The following SPIDR variants were observed in gnomAD, a reference collection of about 807,000 sequenced individuals.
The protein encoded by SPIDR is scaffold protein involved in DNA repair.
In SPIDR, 93 loss-of-function variants were observed where a neutral mutation model predicts 104.6. The observed-to-expected ratio is 0.89, with a 90% CI of 0.75 to 1.06. The LOEUF (loss-of-function observed/expected upper bound fraction) is 1.06, where lower values mean the gene tolerates loss of function less well. Among genes scored for constraint, SPIDR ranks in the 50% least tolerant of loss-of-function variants. SPIDR has a pLI of 0.00. For missense variants in SPIDR, 1,154 were observed against 1,111.2 expected (o/e 1.04, Z -0.55); for synonymous variants, 431 against 416.9 (o/e 1.03, Z -0.41).
At position 47,485,253 on chromosome 8, in the gene SPIDR, ATACAGCTAG is replaced by A. The variant is rs2077409667; in HGVS notation, c.1097+44717_1097+44725del. Among the ~76,000 whole-genome samples, 3 of 151,876 alleles carry A rather than the reference ATACAGCTAG, an allele frequency of 2.0e-5. No individual in the cohort carries two copies. In the South Asian group the frequency reaches 6.2e-4, roughly 31 times the overall value. ...GCGCACGGAGCCTCGCTCATTGCTA[ATACAGCTAG>A]TACAGTCTGAGATCAAACTGCAAGG... is the stretch of plus-strand genomic sequence containing the variant. On this transcript the variant is annotated intron_variant, in intron 8 of 19. Coordinates refer to ENST00000297423, the MANE Select transcript of SPIDR (RefSeq NM_001080394.4).
intron 8 of SPIDR, among the ~76,000 whole-genome samples, chr8:47,524,807 A>T (rs926762362): frequency 6.6e-6 from 1 of 152,244 alleles, no homozygotes; most frequent in Non-Finnish European, 1.5e-5. Flanking sequence ...TAAAAGTTTA[A>T]TACTCAGTAT....
intron 8 of SPIDR, among the ~76,000 whole-genome samples, chr8:47,454,563 A>G (rs1437700708): frequency 6.6e-6 from 1 of 152,148 alleles, no homozygotes; most frequent in Non-Finnish European, 1.5e-5. Flanking sequence ...TCAGCACACC[A>G]ACATGGCACA....
At chr8:47,668,193 T>C (rs2075256499) in intron 10 of SPIDR, among the ~76,000 whole-genome samples, 1 of 152,148 alleles carries the variant, frequency 6.6e-6, no homozygotes. Flanking sequence ...GAAAAGGTAA[T>C]CAACTTGTTC....
chr8:47,456,716 C>T (rs2154351257), intron 8 of SPIDR, among the ~76,000 whole-genome samples: 1 of 152,204 alleles, frequency 6.6e-6, no homozygotes, highest in Non-Finnish European at 1.5e-5. Context: ...ATCACCCAAG[C>T]AGTATACACT....
intron 8 of SPIDR, among the ~76,000 whole-genome samples, chr8:47,478,900 G>A (rs887454361): frequency 6.6e-6 from 1 of 152,274 alleles, no homozygotes; most frequent in Non-Finnish European, 1.5e-5. Context: ...ATTGGAAGCC[G>A]TGTTTAATTA....
intron 1 of SPIDR, among the ~76,000 whole-genome samples, chr8:47,265,991 C>A (rs1454178529): frequency 6.6e-6 from 1 of 152,048 alleles, no homozygotes; most frequent in Non-Finnish European, 1.5e-5. Flanking sequence ...ATCAGGTGAT[C>A]TGCCCGCATC....
intron 5 of SPIDR, among the ~76,000 whole-genome samples, chr8:47,331,190 T>C (rs1297499222): frequency 2.0e-5 from 3 of 152,238 alleles, no homozygotes. Context: ...TGGCCAATTA[T>C]TAGTTTCTAA....
intron 10 of SPIDR, among the ~76,000 whole-genome samples, chr8:47,643,055 A>G (rs1348461869): frequency 6.6e-6 from 1 of 152,186 alleles, no homozygotes; most frequent in African/African-American, 2.4e-5. Flanking sequence ...AGTTGGTTCT[A>G]CTTTGTTCTA....
chr8:47,478,738 A>G (rs797039112), intron 8 of SPIDR, among the ~76,000 whole-genome samples: 5 of 152,362 alleles, frequency 3.3e-5, no homozygotes, highest in African/African-American at 1.2e-4. Flanking sequence ...TAAAATGCTC[A>G]TAAAGTGTAA....
chr8:47,574,458 A>T (rs2058848756), intron 8 of SPIDR, among the ~76,000 whole-genome samples: 1 of 152,130 alleles, frequency 6.6e-6, no homozygotes, highest in Non-Finnish European at 1.5e-5. Context: ...ACATCCAACC[A>T]TTAAAACATG....
intron 8 of SPIDR, among the ~76,000 whole-genome samples, chr8:47,558,493 C>T (rs1160291684): frequency 6.6e-6 from 1 of 151,960 alleles, no homozygotes; most frequent in Admixed American, 6.6e-5. Flanking sequence ...CGATTGAACA[C>T]AAATTATTTG....
intron 2 of SPIDR, 52 bp from the exon 3 acceptor site, chr8:47,283,976 T>TC: frequency 7.6e-7 from 1 of 1,320,310 alleles, no homozygotes; most frequent in Non-Finnish European, 1.1e-6. Flanking sequence ...TTTATAAAAG[T>TC]TTTTTTTTAG....
intron 10 of SPIDR, among the ~76,000 whole-genome samples, chr8:47,655,645 A>G (rs956013987): frequency 6.6e-6 from 1 of 152,130 alleles, no homozygotes; most frequent in Non-Finnish European, 1.5e-5. Context: ...AGATGAGTAG[A>G]TTGCAAAAAT....
chr8:47,602,508 GAAAC>G (rs2062416134), intron 10 of SPIDR, among the ~76,000 whole-genome samples: 1 of 152,218 alleles, frequency 6.6e-6, no homozygotes, highest in African/African-American at 2.4e-5. Flanking sequence ...TGGGTGAAAA[GAAAC>G]AGCGGTGTCT....
intron 8 of SPIDR, among the ~76,000 whole-genome samples, chr8:47,496,126 C>T (rs1045274983): frequency 1.1e-4 from 16 of 151,980 alleles, no homozygotes; most frequent in African/African-American, 2.9e-4. Context: ...TACAAGATTA[C>T]GTCATCTGCT....
Position 47,729,016 on chromosome 8 carries a change from G to T in SPIDR, c.2519G>T (p.Arg840Leu), listed in dbSNP as rs767386373. ...CACCTGCAGGTCTTCCTGGACTGCC[G>T]CTCAAGACCGCAGTGCAGAGTGAAG... ...KRHLQVFLDC[R>L]SRPQCRVKVK... The change falls in exon 18 of 20, where the codon CGC (arginine) becomes CTC (leucine). Residue 840 changes from arginine to leucine, a missense_variant. Arg to Leu is a moderately radical substitution (Grantham distance 102). Transcript: ENST00000297423. 8.7e-6 allele frequency: 14 copies of T among 1,613,856 alleles called. No individual in the cohort carries two copies. The highest frequency in any genetic ancestry group is 1.1e-5 in the Non-Finnish European group (13 of 1,180,034).
intron 10 of SPIDR, among the ~76,000 whole-genome samples, chr8:47,614,909 G>T (rs949248735): frequency 1.3e-5 from 2 of 152,044 alleles, no homozygotes. Context: ...ACATGAGATG[G>T]TATCTCATTG....
intron 16 of SPIDR, among the ~76,000 whole-genome samples, chr8:47,724,300 A>G (rs922766921): frequency 1.3e-5 from 2 of 152,214 alleles, no homozygotes; most frequent in African/African-American, 4.8e-5. Context: ...GCAAAATAAC[A>G]AAGATTATCC....
At chr8:47,462,436 G>A (rs782182253) in intron 8 of SPIDR, among the ~76,000 whole-genome samples, 6 of 152,140 alleles carry the variant, frequency 3.9e-5, no homozygotes, top group African/African-American at 7.2e-5. Flanking sequence ...TCTGTGAGCT[G>A]CTGTCTGTCC....
Sources: gnomAD v4.1 joint callset for allele counts (sites outside exome capture counted in the v4.1 genomes callset) on GRCh38, gnomAD v4.1.1 for gene constraint, MANE v1.5 for transcripts, NCBI Gene and HGNC (gene_info 2026-07-23, HGNC 2026-07-21) for gene names.